LRRTM4: variants seen among roughly 807,000 people sequenced by gnomAD.
The protein encoded by LRRTM4 is leucine rich repeat transmembrane neuronal 4.
In LRRTM4, 25 loss-of-function variants were observed where a neutral mutation model predicts 47.6. The observed-to-expected ratio is 0.53, with a 90% CI of 0.38 to 0.73. The LOEUF is 0.73. Ranked by LOEUF, LRRTM4 falls within the 30% of genes least tolerant of loss-of-function variation. LRRTM4 has a pLI of 0.00. For missense variants in LRRTM4, 638 were observed against 713.4 expected (o/e 0.89, Z 1.20); for synonymous variants, 311 against 269.5 (o/e 1.15, Z -1.51).
At chr2:76,961,854 T>C (rs892764818) in intron 3 of LRRTM4, among the ~76,000 whole-genome samples, 1 of 151,386 alleles carries the variant, frequency 6.6e-6, no homozygotes, top group Non-Finnish European at 1.5e-5. Context: ...TTTGTCAATA[T>C]TTAAAGCATT....
chr2:77,033,232 A>G (rs1182509924), intron 3 of LRRTM4, among the ~76,000 whole-genome samples: 9 of 151,966 alleles, frequency 5.9e-5, no homozygotes, highest in African/African-American at 1.9e-4. Context: ...AAACAAGATC[A>G]TTGTCACATG....
chr2:76,968,383 T>TATACACACAC (rs797010446), intron 3 of LRRTM4, among the ~76,000 whole-genome samples: 1 of 111,426 alleles, frequency 9.0e-6, no homozygotes, highest in South Asian at 3.1e-4. Context: ...TATATATATA[T>TATACACACAC]ACACATACAT....
At chr2:77,047,544 A>G (rs745564156) in intron 3 of LRRTM4, among the ~76,000 whole-genome samples, 3 of 151,958 alleles carry the variant, frequency 2.0e-5, no homozygotes, top group Non-Finnish European at 4.4e-5. Flanking sequence ...ATCAGGTTAT[A>G]TAAACATCAC....
chr2:77,215,751 C>A (rs1023866388), intron 3 of LRRTM4, among the ~76,000 whole-genome samples: 4 of 152,134 alleles, frequency 2.6e-5, no homozygotes, highest in African/African-American at 9.7e-5. Context: ...TTTAATTGAA[C>A]TTCGGTCAGT....
intron 3 of LRRTM4, among the ~76,000 whole-genome samples, chr2:77,361,911 C>T (rs994002341): frequency 1.3e-5 from 2 of 151,794 alleles, no homozygotes; most frequent in Non-Finnish European, 2.9e-5. Flanking sequence ...ATGGTGAAAC[C>T]CCATCTCTAC....
chr2:77,071,849 G>A (rs1310958252), intron 3 of LRRTM4, among the ~76,000 whole-genome samples: 1 of 152,148 alleles, frequency 6.6e-6, no homozygotes, highest in African/African-American at 2.4e-5. Flanking sequence ...CCCAGCATTT[G>A]TGAAGGAAAG....
intron 3 of LRRTM4, among the ~76,000 whole-genome samples, chr2:77,174,785 A>G (rs943379521): frequency 1.3e-5 from 2 of 151,784 alleles, no homozygotes; most frequent in African/African-American, 4.8e-5. Context: ...ACCTAATGCT[A>G]TCCCTCCCCC....
intron 3 of LRRTM4, among the ~76,000 whole-genome samples, chr2:77,372,209 G>T (rs1249055321): frequency 6.6e-6 from 1 of 151,712 alleles, no homozygotes; most frequent in East Asian, 1.9e-4. Flanking sequence ...CTGTCTTAGA[G>T]GGAGAATTAA....
At chr2:76,798,274 A>C (rs938687320) in intron 3 of LRRTM4, among the ~76,000 whole-genome samples, 10 of 152,152 alleles carry the variant, frequency 6.6e-5, no homozygotes, top group East Asian at 1.9e-4. Flanking sequence ...TGCAATTAAA[A>C]TAGAACTCAG....
chr2:77,295,824 A>T (rs147805679), intron 3 of LRRTM4, among the ~76,000 whole-genome samples: 3 of 152,242 alleles, frequency 2.0e-5, no homozygotes, highest in Admixed American at 2.0e-4. Flanking sequence ...TAATTACCTC[A>T]TTTTAATTTA....
At chr2:77,222,154 C>G (rs1218483218) in intron 3 of LRRTM4, among the ~76,000 whole-genome samples, 2 of 152,092 alleles carry the variant, frequency 1.3e-5, no homozygotes, top group Non-Finnish European at 2.9e-5. Context: ...TTCTTTGAAA[C>G]CAATGAGAAC....
At chr2:77,291,876 AG>A (rs1205456965) in intron 3 of LRRTM4, among the ~76,000 whole-genome samples, 29 of 152,132 alleles carry the variant, frequency 1.9e-4, no homozygotes, top group African/African-American at 6.5e-4. Flanking sequence ...GCTTCTGCAC[AG>A]CAAAAGAAAC....
chr2:77,424,939 C>A (rs1168963215), intron 3 of LRRTM4, among the ~76,000 whole-genome samples: 3 of 152,022 alleles, frequency 2.0e-5, no homozygotes, highest in Non-Finnish European at 4.4e-5. Context: ...CTAGTATATT[C>A]TTTTTATTTT....
chr2:76,948,851 A>G (rs1675408640), intron 3 of LRRTM4, among the ~76,000 whole-genome samples: 2 of 151,908 alleles, frequency 1.3e-5, no homozygotes, highest in Admixed American at 1.3e-4. Context: ...TAATAATGCT[A>G]TTAATCATAA....
At chr2:77,359,719 T>C (rs996000431) in intron 3 of LRRTM4, among the ~76,000 whole-genome samples, 1 of 152,214 alleles carries the variant, frequency 6.6e-6, no homozygotes, top group African/African-American at 2.4e-5. Flanking sequence ...CTATACACAA[T>C]TGCCTTAAGC....
chr2:76,848,982 GCC>G (rs1671913885), intron 3 of LRRTM4, among the ~76,000 whole-genome samples: 2 of 152,028 alleles, frequency 1.3e-5, no homozygotes, highest in African/African-American at 4.8e-5. Flanking sequence ...GGTCACACAG[GCC>G]ATCTGTACAT....
At chr2:76,875,932 T>C (rs1672764875) in intron 3 of LRRTM4, among the ~76,000 whole-genome samples, 1 of 152,136 alleles carries the variant, frequency 6.6e-6, no homozygotes, top group Non-Finnish European at 1.5e-5. Context: ...AGCACCAATA[T>C]GGGAACACCT....
intron 3 of LRRTM4, among the ~76,000 whole-genome samples, chr2:76,795,889 T>A (rs1305371978): frequency 6.6e-6 from 1 of 151,894 alleles, no homozygotes; most frequent in African/African-American, 2.4e-5. Flanking sequence ...GATTTCTGCA[T>A]TTCCATCTGA....
At chr2:77,164,372 C>T (rs1205580949) in intron 3 of LRRTM4, among the ~76,000 whole-genome samples, 1 of 152,158 alleles carries the variant, frequency 6.6e-6, no homozygotes, top group South Asian at 2.1e-4. Context: ...GAGACTTTAA[C>T]ACCCTACTGT....
Sources: gnomAD v4.1 joint callset for allele counts (sites outside exome capture counted in the v4.1 genomes callset) on GRCh38, gnomAD v4.1.1 for gene constraint, MANE v1.5 for transcripts, NCBI Gene and HGNC (gene_info 2026-07-23, HGNC 2026-07-21) for gene names.